The following SVEP1 variants were observed in gnomAD, a reference collection of about 807,000 sequenced individuals.
SVEP1 encodes the protein sushi, von Willebrand factor type A, EGF and pentraxin domain-containing protein 1.
In SVEP1, 164 loss-of-function variants were observed where a neutral mutation model predicts 367.3. The observed-to-expected ratio is 0.45, with a 90% CI of 0.39 to 0.51. The LOEUF is 0.51. Among genes scored for constraint, SVEP1 ranks in the 20% least tolerant of loss-of-function variants. The pLI is 0.00. For synonymous variants in SVEP1, 1,666 were observed against 1,611.6 expected, an observed-to-expected ratio of 1.03 and a Z score of -0.81; for missense variants, 4,117 against 4,425.3, an observed-to-expected ratio of 0.93 and a Z score of 1.98.
At chr9:110,565,295 AGTGTAG>A (rs1267527158) in intron 1 of SVEP1, among the ~76,000 whole-genome samples, 1 of 152,220 alleles carries the variant, frequency 6.6e-6, no homozygotes, top group Non-Finnish European at 1.5e-5. Flanking sequence ...TACAAACTTA[AGTGTAG>A]GCTGAATGAT....
At chr9:110,415,978 G>A (rs1828114535) in intron 36 of SVEP1, among the ~76,000 whole-genome samples, 1 of 151,922 alleles carries the variant, frequency 6.6e-6, no homozygotes, top group Admixed American at 6.6e-5. Flanking sequence ...CACTTTGTAT[G>A]GAAAATCTTC....
At chr9:110,432,252 T>A (rs1247163412) in intron 31 of SVEP1, among the ~76,000 whole-genome samples, 3 of 152,210 alleles carry the variant, frequency 2.0e-5, no homozygotes, top group Admixed American at 2.0e-4. Flanking sequence ...CAGGGATATA[T>A]AAATATAGTC....
intron 39 of SVEP1, among the ~76,000 whole-genome samples, chr9:110,403,042 T>C (rs1056443010): frequency 6.6e-6 from 1 of 152,046 alleles, no homozygotes; most frequent in Non-Finnish European, 1.5e-5. Flanking sequence ...AAAAATAAGC[T>C]GAAGGAATAT....
rs769808501 is a variant in SVEP1 at position 110,406,432 on chromosome 9, G to T, written c.9168C>A (p.Phe3056Leu). The T allele has an allele frequency of 1.9e-6, 3 of 1,614,024 alleles. No homozygotes were observed. In the Admixed American group the frequency reaches 5.0e-5, roughly 27 times the overall value. ...CACAAGAAGTGTGTTCACAGTGGGG[G>T]AACCCAGAGCTCCACTGGCCATCGG... ...CEADGQWSSG[F>L]PHCEHTSCGS... The change falls in exon 38 of 48, where the codon TTC becomes TTA. Residue 3056 changes from phenylalanine (F) to leucine (L), a missense_variant. Physicochemically the swap from Phe to Leu is conservative, Grantham distance 22 (BLOSUM62 0). Transcript: ENST00000374469.
intron 8 of SVEP1, among the ~76,000 whole-genome samples, chr9:110,492,847 C>T (rs755761481): frequency 2.6e-5 from 4 of 152,038 alleles, no homozygotes; most frequent in Non-Finnish European, 5.9e-5. Context: ...CATAGATTCA[C>T]CCCAATGTGA....
At position 110,411,501 on chromosome 9, in the gene SVEP1, T is replaced by C; in HGVS notation, c.6210A>G (p.Pro2070=). The C allele has an allele frequency of 6.2e-7, 1 of 1,614,042 alleles. No individual in the cohort carries two copies. ...TACAACGGGGCATGTCTTGACCTTC[T>C]GGGGGTACCCACTTGCCCTGGGCAT... ...LCNAQGKWVP[P]EGQDMPRCIA... is the part of the protein sequence containing the mutation. The change falls in exon 37 of 48, where the codon CCA becomes CCG. Residue 2070 remains proline (P), a synonymous_variant. Coordinates refer to ENST00000374469, the MANE Select transcript of SVEP1 (RefSeq NM_153366.4).
intron 43 of SVEP1, among the ~76,000 whole-genome samples, chr9:110,382,380 T>C (rs1588022205): frequency 1.3e-5 from 2 of 152,356 alleles, no homozygotes; most frequent in East Asian, 3.9e-4. Flanking sequence ...TGGAAATTCT[T>C]TGAATATTGG....
chr9:110,574,270 TG>T (rs1293433058), intron 1 of SVEP1, among the ~76,000 whole-genome samples: 2 of 152,262 alleles, frequency 1.3e-5, no homozygotes, highest in African/African-American at 4.8e-5. Flanking sequence ...TTTATGTGTT[TG>T]CCTGTGATTG....
rs541028787 is a variant in SVEP1 at position 110,457,643 on chromosome 9, G to A, written c.3577-291C>T. On this transcript the variant is annotated intron_variant, in intron 20 of 47. Coordinates refer to ENST00000374469, the MANE Select transcript of SVEP1 (RefSeq NM_153366.4). ...TTTGAAGGCATACTAAGGTCAGGGC[G>A]TCAACCCAGATTAGCTAAATCAGAA... 2.0e-4 allele frequency among the ~76,000 whole-genome samples: 31 copies of A among 152,256 alleles called. 1 individual carries two copies. In the South Asian group the frequency reaches 2.1e-3, roughly 10 times the overall value.
chr9:110,561,602 A>G (rs1355235884), intron 1 of SVEP1, among the ~76,000 whole-genome samples: 1 of 152,212 alleles, frequency 6.6e-6, no homozygotes, highest in African/African-American at 2.4e-5. Context: ...TATAAATATT[A>G]TATGTAAACT....
chr9:110,523,705 A>G (rs989383219), intron 3 of SVEP1, among the ~76,000 whole-genome samples: 1 of 152,152 alleles, frequency 6.6e-6, no homozygotes, highest in African/African-American at 2.4e-5. Context: ...ATATCAGATG[A>G]AGCAAGTTGA....
At position 110,406,872 on chromosome 9, in the gene SVEP1, T is replaced by G. The variant is rs1312402306; in HGVS notation, c.8728A>C (p.Met2910Leu). 1 of 1,614,012 alleles carries G rather than the reference T, an allele frequency of 6.2e-7. No homozygotes were observed. The highest frequency in any genetic ancestry group is 8.5e-7 in the Non-Finnish European group (1 of 1,179,896). ...TGACAGTGGAATGTTACTTCCTTCA[T>G]GAAGCCATAGTCCAGGCCTTCCGTC... Reference protein sequence around the residue: ...GVTEGLDYGFMKEVTFHCHEG... With the variant: ...GVTEGLDYGFLKEVTFHCHEG... Residue 2910 changes from methionine (M) to leucine (L), a missense_variant, in exon 38 of 48, where the codon ATG (methionine) becomes CTG (leucine). Physicochemically the swap from Met to Leu is conservative, Grantham distance 15. Around this residue, in one of 4 missense-constraint regions of SVEP1, gnomAD observed 1,765 missense variants for 1,781.1 expected, o/e 0.99. Transcript: ENST00000374469.
At chr9:110,557,842 G>A (rs866144065) in intron 1 of SVEP1, among the ~76,000 whole-genome samples, 3 of 152,090 alleles carry the variant, frequency 2.0e-5, no homozygotes, top group South Asian at 2.1e-4. Context: ...ATAAGCCACA[G>A]CCTGTGTCTG....
At chr9:110,502,996 G>A (rs756116589) in intron 6 of SVEP1, 42 bp downstream of exon 6, 1 of 1,574,504 alleles carries the variant, frequency 6.4e-7, no homozygotes, top group Non-Finnish European at 8.6e-7. Flanking sequence ...TCAGAGCAGA[G>A]GAAATGAATC....
Position 110,408,073 on chromosome 9 carries a change from G to T in SVEP1, c.7527C>A (p.Phe2509Leu). 6.2e-7 allele frequency: 1 copy of T among 1,613,870 alleles called. No individual in the cohort carries two copies. Among genetic ancestry groups the T allele is most frequent in the Non-Finnish European group, 8.5e-7 (1 of 1,179,854 alleles). ...GTCCATAGTGTAGGTCCGTGTAAGA[G>T]AATTTGCCATTCAAAATCTCCTTGG... ...LKPKEILNGKFSYTDLHYGQT... is the reference protein window; with the variant it reads ...LKPKEILNGKLSYTDLHYGQT... The change falls in exon 38 of 48, where the codon TTC becomes TTA. Residue 2509 changes from phenylalanine (F) to leucine (L), a missense_variant. Phe to Leu is a conservative substitution (Grantham distance 22). This residue lies in a region of SVEP1 where 1,765 missense variants were observed against 1,781.1 expected (regional missense o/e 0.99). Coordinates refer to ENST00000374469, the MANE Select transcript of SVEP1 (RefSeq NM_153366.4).
intron 14 of SVEP1, among the ~76,000 whole-genome samples, chr9:110,475,143 C>A (rs1014254472): frequency 7.9e-5 from 12 of 152,022 alleles, no homozygotes; most frequent in Admixed American, 7.9e-4. Context: ...GTATAATAAA[C>A]ATATGCACAA....
intron 18 of SVEP1, among the ~76,000 whole-genome samples, chr9:110,459,657 A>G (rs754632185): frequency 7.9e-5 from 12 of 152,146 alleles, no homozygotes; most frequent in Non-Finnish European, 1.5e-4. Flanking sequence ...TAAAGATTTG[A>G]AAAGATTAAA....
chr9:110,473,553 T>C (rs772941383), intron 14 of SVEP1, among the ~76,000 whole-genome samples: 1 of 152,222 alleles, frequency 6.6e-6, no homozygotes, highest in Non-Finnish European at 1.5e-5. Context: ...TCAAATTTTA[T>C]GGCATTTCTA....
chr9:110,442,461 CTTT>C (rs11290774), intron 27 of SVEP1: 17 of 133,438 alleles, frequency 1.3e-4, no homozygotes, highest in Non-Finnish European at 1.1e-4. Flanking sequence ...TTTCTTTTTT[CTTT>C]TTTTTTTTTT....
Sources: gnomAD v4.1 joint callset for allele counts (sites outside exome capture counted in the v4.1 genomes callset) on GRCh38, gnomAD v4.1.1 for gene constraint, gnomAD v4.1.1 regional missense constraint, MANE v1.5 for transcripts, NCBI Gene and HGNC (gene_info 2026-07-23, HGNC 2026-07-21) for gene names.